Variants in SH3KBP1 observed in about 807,000 individuals in gnomAD.
SH3KBP1 encodes the protein SH3 domain containing kinase binding protein 1.
A neutral mutation model predicts 50.1 loss-of-function variants in SH3KBP1; 8 were observed. The observed-to-expected ratio is 0.16, with a 90% CI of 0.09 to 0.29. The LOEUF is 0.29. SH3KBP1 is among the 10% of genes least tolerant of loss of function. The probability of loss-of-function intolerance (pLI) is 1.00; values close to 1 mark genes in which losing one functional copy is unlikely to be tolerated. For synonymous variants in SH3KBP1, 227 were observed against 218.6 expected, an observed-to-expected ratio of 1.04 and a Z score of -0.34; for missense variants, 377 against 535.2, an observed-to-expected ratio of 0.70 and a Z score of 2.92.
chrX:19,763,076 A>G (rs1203459610), intron 2 of SH3KBP1, among the ~76,000 whole-genome samples: 3 of 111,838 alleles, frequency 2.7e-5, no homozygotes, highest in East Asian at 5.6e-4. Context: ...ACCCACATGA[A>G]ACCACCCAGT....
intron 4 of SH3KBP1, among the ~76,000 whole-genome samples, chrX:19,706,020 T>A (rs1212259785): frequency 9.0e-6 from 1 of 111,680 alleles, no homozygotes; most frequent in African/African-American, 3.3e-5. Flanking sequence ...AGGTTATGTA[T>A]GAGAGCTAGG....
intron 6 of SH3KBP1, among the ~76,000 whole-genome samples, chrX:19,657,224 C>A (rs1426015084): frequency 3.7e-5 from 4 of 108,779 alleles, no homozygotes; most frequent in Non-Finnish European, 7.6e-5. Flanking sequence ...TAAAAAATTC[C>A]AAAAAATTTA....
rs935986289 is a variant in SH3KBP1, at chrX:19,887,208, C to A, written c.4+99G>T. ...CCACCGCGGTGTCCCCCGTCCGGAC[C>A]CTGCCCCCGGGGCGCCCTCCCGGGC... is the stretch of plus-strand genomic sequence containing the variant. On this transcript the variant is annotated intron_variant, in intron 1 of 17. Transcript: ENST00000397821. 3.9e-6 allele frequency: 3 copies of A among 768,900 alleles called. No individual in the cohort carries two copies. In the East Asian group the frequency reaches 1.4e-4, roughly 36 times the overall value. 63.4% of individuals were successfully genotyped at this position (768,900 alleles called of 1,213,427 possible). A position where few individuals can be genotyped will look rare whatever the true frequency, so the allele number is the denominator to read the frequency against.
At chrX:19,536,803 T>C (rs965820549) in intron 17 of SH3KBP1, among the ~76,000 whole-genome samples, 2 of 111,049 alleles carry the variant, frequency 1.8e-5, no homozygotes, top group African/African-American at 3.3e-5. Flanking sequence ...GCAGCTGTGG[T>C]TGGCTCAAGG....
intron 1 of SH3KBP1, among the ~76,000 whole-genome samples, chrX:19,880,594 C>T (rs2069403176): frequency 8.9e-6 from 1 of 112,591 alleles, no homozygotes; most frequent in Admixed American, 9.4e-5. Context: ...TTGGAGCAGG[C>T]TCCCACAGAT....
intron 8 of SH3KBP1, among the ~76,000 whole-genome samples, chrX:19,625,495 C>A (rs1980920678): frequency 9.0e-6 from 1 of 111,339 alleles, no homozygotes; most frequent in Admixed American, 9.5e-5. Flanking sequence ...CTGAGCTGAA[C>A]TCATCATTCC....
At chrX:19,549,508 C>A (rs1424330848) in intron 14 of SH3KBP1, among the ~76,000 whole-genome samples, 1 of 111,518 alleles carries the variant, frequency 9.0e-6, no homozygotes. Context: ...TCCTGAAGGT[C>A]TGCGTGGTAT....
At chrX:19,553,604 G>T (rs1480667607) in intron 13 of SH3KBP1, among the ~76,000 whole-genome samples, 1 of 107,986 alleles carries the variant, frequency 9.3e-6, no homozygotes, top group Non-Finnish European at 1.9e-5. Context: ...AGCGGGATGT[G>T]AGTAGCTTCG....
intron 1 of SH3KBP1, among the ~76,000 whole-genome samples, chrX:19,842,443 T>C (rs1163928495): frequency 1.8e-5 from 2 of 111,145 alleles, no homozygotes; most frequent in East Asian, 2.8e-4. Context: ...GGAGAATAGC[T>C]TGAACCCCAG....
intron 1 of SH3KBP1, among the ~76,000 whole-genome samples, chrX:19,881,309 A>AG (rs2069426797): frequency 8.9e-6 from 1 of 112,015 alleles, no homozygotes; most frequent in Non-Finnish European, 1.9e-5. Context: ...GTACATCAGA[A>AG]GGGGCAGGGA....
chrX:19,861,105 G>A (rs912501780), intron 1 of SH3KBP1, among the ~76,000 whole-genome samples: 25 of 111,717 alleles, frequency 2.2e-4, no homozygotes, highest in African/African-American at 6.5e-4. Context: ...GGCCAGGCGC[G>A]GTGGCTCACG....
At chrX:19,563,237 A>G (rs139827730) in intron 13 of SH3KBP1, among the ~76,000 whole-genome samples, 88 of 112,149 alleles carry the variant, frequency 7.8e-4, no homozygotes, top group African/African-American at 2.8e-3. Context: ...GGAGATGCTC[A>G]TTTTACACCC....
intron 13 of SH3KBP1, among the ~76,000 whole-genome samples, chrX:19,564,098 G>A (rs1357980863): frequency 1.8e-5 from 2 of 111,777 alleles, no homozygotes; most frequent in Middle Eastern, 4.6e-3. Flanking sequence ...GGCTCCAAAA[G>A]GGGAAGTTTA....
At chrX:19,887,230 G>A in intron 1 of SH3KBP1, 77 bp downstream of exon 1, 1 of 893,160 alleles carries the variant, frequency 1.1e-6, no homozygotes, top group Admixed American at 5.8e-5. Context: ...GCGCCCTCCC[G>A]GGCTCCGCGG....
Position 19,790,030 on chromosome X carries a change from G to GC in SH3KBP1, c.163-43590dup, listed in dbSNP as rs750789758. Among the ~76,000 whole-genome samples the GC allele has an allele frequency of 9.4e-5, 10 of 106,481 alleles. No homozygotes were observed. The East Asian group carries it at 3.0e-3, about 32-fold the overall frequency. The allele number at this position is 106,481 out of a possible 115,157, so 92.5% of individuals were successfully genotyped here. A position where few individuals can be genotyped will look rare whatever the true frequency, so the allele number is the denominator to read the frequency against. On this transcript the variant is annotated intron_variant, in intron 2 of 17. Transcript: ENST00000397821. ...CTCAAGGAGAAAGGAAATGAAAGCT[G>GC]CCCCACCTCCTCTAAGAGGCCCAGC...
intron 6 of SH3KBP1, chrX:19,670,718 G>A (rs181903484): frequency 3.5e-6 from 2 of 573,263 alleles, no homozygotes; most frequent in African/African-American, 4.9e-5. Flanking sequence ...CCCCTCTGTG[G>A]GATCCTAGCT....
chrX:19,773,608 A>G (rs962044375), intron 2 of SH3KBP1, among the ~76,000 whole-genome samples: 8 of 109,284 alleles, frequency 7.3e-5, no homozygotes, highest in African/African-American at 2.7e-4. Context: ...TGTCATCCCA[A>G]CACTTTGGGA....
At chrX:19,850,236 G>A (rs752882324) in intron 1 of SH3KBP1, among the ~76,000 whole-genome samples, 1 of 110,882 alleles carries the variant, frequency 9.0e-6, no homozygotes, top group Non-Finnish European at 1.9e-5. Context: ...CCAGGCTGGA[G>A]TGCAGAGGTG....
At chrX:19,679,505 G>C (rs1602979564) in intron 6 of SH3KBP1, among the ~76,000 whole-genome samples, 1 of 112,027 alleles carries the variant, frequency 8.9e-6, no homozygotes, top group East Asian at 2.8e-4. Context: ...GATTTTCTAA[G>C]GTGTAACCTG....
Sources: gnomAD v4.1 joint callset for allele counts (sites outside exome capture counted in the v4.1 genomes callset) on GRCh38, gnomAD v4.1.1 for gene constraint, MANE v1.5 for transcripts, NCBI Gene and HGNC (gene_info 2026-07-23, HGNC 2026-07-21) for gene names.